Variants in DRC11 observed in about 807,000 individuals in gnomAD.
DRC11 encodes the protein dynein regulatory complex subunit 11.
At chr2:236,470,052 G>A in the DRC11 span, among the ~76,000 whole-genome samples, 3 of 152,178 alleles carry the variant, frequency 2.0e-5, no homozygotes, top group African/African-American at 7.2e-5. The surrounding 1 kb of genome is among the most constrained non-coding windows in gnomAD (Gnocchi z 5.1). Flanking sequence ...TGATGTTGCT[G>A]TAAAAATAGG....
At chr2:236,404,953 G>A in the DRC11 span, among the ~76,000 whole-genome samples, 269 of 152,230 alleles carry the variant, frequency 1.8e-3, no homozygotes, top group Non-Finnish European at 2.8e-3. Flanking sequence ...TTCACTCCGC[G>A]GAAGGGGCAA....
the DRC11 span, among the ~76,000 whole-genome samples, chr2:236,309,574 A>G: frequency 1.3e-5 from 2 of 152,224 alleles, no homozygotes; most frequent in African/African-American, 4.8e-5. This position sits in a 1 kb window ranked among gnomAD's most constrained non-coding sequence, Gnocchi z 5.7. Flanking sequence ...TACTTACTGG[A>G]AATGGCGAAT....
chr2:236,331,652 C>A, the DRC11 span: 1 of 1,317,198 alleles, frequency 7.6e-7, no homozygotes, highest in Non-Finnish European at 1.1e-6. The surrounding 1 kb of genome is among the most constrained non-coding windows in gnomAD (Gnocchi z 4.8). Context: ...GAAATCAGTG[C>A]CAGTTTCCCT....
At chr2:236,415,017 T>C in the DRC11 span, among the ~76,000 whole-genome samples, 39 of 152,254 alleles carry the variant, frequency 2.6e-4, no homozygotes, top group African/African-American at 8.2e-4. This position sits in a 1 kb window ranked among gnomAD's most constrained non-coding sequence, Gnocchi z 5.7. Flanking sequence ...TTATAATAGA[T>C]TTTTTCATAT....
the DRC11 span, among the ~76,000 whole-genome samples, chr2:236,351,888 G>A: frequency 1.3e-5 from 2 of 152,188 alleles, no homozygotes; most frequent in South Asian, 2.1e-4. The surrounding 1 kb of genome is among the most constrained non-coding windows in gnomAD (Gnocchi z 7.3). Context: ...AGTGCCAGCT[G>A]CCATGAGCCC....
chr2:236,363,964 T>C, the DRC11 span: 1 of 1,613,884 alleles, frequency 6.2e-7, no homozygotes. This position sits in a 1 kb window ranked among gnomAD's most constrained non-coding sequence, Gnocchi z 5.6. Flanking sequence ...AGCTTTCTCA[T>C]GCACTGCTGC....
At chr2:236,459,486 TGTATACGTATATATGTATAC>T in the DRC11 span, among the ~76,000 whole-genome samples, 2,986 of 142,712 alleles carry the variant, frequency 0.021, 83 homozygotes, top group Middle Eastern at 0.084. Flanking sequence ...TTAAAAAATA[TGTATACGTATATATGTATAC>T]GTATACGTAT....
the DRC11 span, among the ~76,000 whole-genome samples, chr2:236,310,054 T>C: frequency 2.0e-5 from 3 of 152,124 alleles, no homozygotes; most frequent in Non-Finnish European, 2.9e-5. The surrounding 1 kb of genome is among the most constrained non-coding windows in gnomAD (Gnocchi z 5.5). Context: ...AGAGGCTGGG[T>C]CCACCTTCCT....
the DRC11 span, among the ~76,000 whole-genome samples, chr2:236,476,824 T>G: frequency 6.6e-6 from 1 of 152,148 alleles, no homozygotes; most frequent in African/African-American, 2.4e-5. This position sits in a 1 kb window ranked among gnomAD's most constrained non-coding sequence, Gnocchi z 4.7. Context: ...CATGGTGGTT[T>G]GCTGCACCTA....
chr2:236,481,273 AGT>A, the DRC11 span, among the ~76,000 whole-genome samples: 2 of 152,214 alleles, frequency 1.3e-5, no homozygotes, highest in Non-Finnish European at 2.9e-5. Context: ...AGGCAGGGAT[AGT>A]TCTCCTGCAA....
the DRC11 span, among the ~76,000 whole-genome samples, chr2:236,424,209 T>C: frequency 2.6e-5 from 4 of 151,914 alleles, no homozygotes; most frequent in Admixed American, 1.3e-4. Flanking sequence ...AAAAAAAAAC[T>C]TTCAGAAATG....
chr2:236,424,080 T>A, the DRC11 span, among the ~76,000 whole-genome samples: 1 of 147,314 alleles, frequency 6.8e-6, no homozygotes, highest in Non-Finnish European at 1.5e-5. Flanking sequence ...AGGGATAGCA[T>A]TGGGAGATAT....
the DRC11 span, among the ~76,000 whole-genome samples, chr2:236,384,126 C>A: frequency 6.6e-6 from 1 of 151,074 alleles, no homozygotes; most frequent in Non-Finnish European, 1.5e-5. Context: ...AATAAACATA[C>A]GTGTGCATGT....
At chr2:236,386,814 C>G in the DRC11 span, among the ~76,000 whole-genome samples, 1 of 149,574 alleles carries the variant, frequency 6.7e-6, no homozygotes, top group South Asian at 2.3e-4. Context: ...CTATAAATTT[C>G]CCTCTACACA....
chr2:236,507,405 A>G, the DRC11 span: 1 of 822,234 alleles, frequency 1.2e-6, no homozygotes, highest in Non-Finnish European at 2.1e-6. Context: ...GGGAGAAACC[A>G]GGACTGCGAG....
At chr2:236,489,805 G>A in the DRC11 span, among the ~76,000 whole-genome samples, 3 of 152,110 alleles carry the variant, frequency 2.0e-5, no homozygotes, top group East Asian at 5.8e-4. Flanking sequence ...CACACCTGCA[G>A]TCCCAGCCAC....
chr2:236,438,607 C>G, the DRC11 span, among the ~76,000 whole-genome samples: 1 of 152,052 alleles, frequency 6.6e-6, no homozygotes, highest in Non-Finnish European at 1.5e-5. Context: ...TTTGTATCCT[C>G]TTTTATTTCC....
At chr2:236,350,781 C>T in the DRC11 span, among the ~76,000 whole-genome samples, 1 of 152,200 alleles carries the variant, frequency 6.6e-6, no homozygotes, top group African/African-American at 2.4e-5. The surrounding 1 kb of genome is among the most constrained non-coding windows in gnomAD (Gnocchi z 5.2). Context: ...AGGAAGAATG[C>T]TAAAACCATC....
chr2:236,489,506 A>C, the DRC11 span, among the ~76,000 whole-genome samples: 1 of 152,140 alleles, frequency 6.6e-6, no homozygotes, highest in Non-Finnish European at 1.5e-5. Context: ...GAGCAGGCTC[A>C]ATGGGAGGCC....
Sources: gnomAD v4.1 joint callset for allele counts (sites outside exome capture counted in the v4.1 genomes callset) on GRCh38, gnomAD v4.1.1 for gene constraint, Gnocchi (gnomAD v3.1) non-coding constraint, MANE v1.5 for transcripts, NCBI Gene and HGNC (gene_info 2026-07-23, HGNC 2026-07-21) for gene names.